The following LIPA variants were observed in gnomAD, a reference collection of about 807,000 sequenced individuals.
LIPA encodes lipase A, lysosomal acid type.
LIPA carries 26 observed loss-of-function variants against 40.6 expected under a neutral mutation model. The observed-to-expected ratio is 0.64, with a 90% CI of 0.47 to 0.89. The LOEUF (loss-of-function observed/expected upper bound fraction) is 0.89, where lower values mean the gene tolerates loss of function less well. LIPA is among the 40% of genes least tolerant of loss of function. The pLI, the probability that LIPA is intolerant of heterozygous loss-of-function variation, is 0.00. For missense variants in LIPA, 455 were observed against 479.6 expected (o/e 0.95, Z 0.48); for synonymous variants, 188 against 168.4 (o/e 1.12, Z -0.90).
At chr10:89,277,248 C>T (rs1269455942) in intron 1 of LIPA, among the ~76,000 whole-genome samples, 1 of 152,210 alleles carries the variant, frequency 6.6e-6, no homozygotes, top group African/African-American at 2.4e-5. Flanking sequence ...AGCGTTACTG[C>T]ATTTCTGCAT....
chr10:89,306,870 G>C (rs1843484129), intron 1 of LIPA: 3 of 1,613,948 alleles, frequency 1.9e-6, no homozygotes, highest in Non-Finnish European at 2.5e-6. Flanking sequence ...AGAGAGAATG[G>C]AATGTATGGG....
chr10:89,394,022 A>G lies in LIPA; in HGVS notation c.61+18769T>C, dbSNP rs528030461. Among the ~76,000 whole-genome samples the G allele has an allele frequency of 1.9e-4, 29 of 152,334 alleles. 2 individuals are homozygous for G. Among genetic ancestry groups the G allele is most frequent in the Middle Eastern group, 3.4e-3 (1 of 294 alleles). On this transcript the variant is annotated intron_variant, in intron 2 of 8. Transcript: ENST00000371837. ...ATTTAATTCTCAAAAGATACTTATA[A>G]GGCAGGTACTTACACAGTCATGCAT... is the stretch of plus-strand genomic sequence containing the variant.
intron 1 of LIPA, among the ~76,000 whole-genome samples, chr10:89,266,522 A>G (rs1313058767): frequency 1.3e-5 from 2 of 152,232 alleles, no homozygotes; most frequent in Non-Finnish European, 2.9e-5. Flanking sequence ...TATGAAACAC[A>G]TATGAATTTC....
intron 1 of LIPA, among the ~76,000 whole-genome samples, chr10:89,291,562 T>C (rs4934465): frequency 0.3 from 45,587 of 151,908 alleles, 7,770 homozygotes; most frequent in Non-Finnish European, 0.39. Context: ...ATTTTTTTTT[T>C]CTTTTAAGCA....
intron 1 of LIPA, among the ~76,000 whole-genome samples, chr10:89,249,324 C>T (rs1193423951): frequency 6.6e-6 from 1 of 152,178 alleles, no homozygotes; most frequent in Admixed American, 6.5e-5. Context: ...AAGTTAAATG[C>T]CTCTCCTAAG....
intron 1 of LIPA, among the ~76,000 whole-genome samples, chr10:89,250,403 G>A (rs1445673192): frequency 1.3e-5 from 2 of 152,064 alleles, no homozygotes; most frequent in Admixed American, 6.5e-5. Context: ...GCGCCCGACC[G>A]TGAACTCTGA....
chr10:89,344,612 G>GAA (rs5786866), upstream of LIPA, among the ~76,000 whole-genome samples: 2 of 134,608 alleles, frequency 1.5e-5, no homozygotes, highest in African/African-American at 2.6e-5. Context: ...CATGCGGCAA[G>GAA]AAAAAAAAAA....
chr10:89,397,614 A>C (rs1458595973), intron 2 of LIPA, among the ~76,000 whole-genome samples: 1 of 152,186 alleles, frequency 6.6e-6, no homozygotes, highest in Non-Finnish European at 1.5e-5. Context: ...GGCCTCAAGC[A>C]AATCTCCTGC....
intron 1 of LIPA, among the ~76,000 whole-genome samples, chr10:89,319,346 T>C (rs1360152900): frequency 6.6e-6 from 1 of 151,700 alleles, no homozygotes; most frequent in African/African-American, 2.4e-5. Context: ...GAGAGAAGAA[T>C]CAAATAGATG....
At chr10:89,402,626 C>G in intron 2 of LIPA, 1 of 1,614,210 alleles carries the variant, frequency 6.2e-7, no homozygotes, top group Admixed American at 1.7e-5. Flanking sequence ...CCCAGACTTA[C>G]CTGGACAAGG....
At chr10:89,325,766 T>C (rs1231592249) in intron 1 of LIPA, among the ~76,000 whole-genome samples, 1 of 152,162 alleles carries the variant, frequency 6.6e-6, no homozygotes, top group Non-Finnish European at 1.5e-5. Context: ...ACTATGCTTA[T>C]GAGTGGGGTG....
At chr10:89,377,871 A>G (rs1222366824) in intron 2 of LIPA, among the ~76,000 whole-genome samples, 1 of 152,242 alleles carries the variant, frequency 6.6e-6, no homozygotes, top group South Asian at 2.1e-4. Flanking sequence ...TTTGCGTATC[A>G]AAACTGCTTC....
intron 8 of LIPA, among the ~76,000 whole-genome samples, 182 bp downstream of exon 8, chr10:89,222,329 G>A (rs768376463): frequency 1.4e-4 from 21 of 152,294 alleles, no homozygotes; most frequent in Admixed American, 7.8e-4. Flanking sequence ...GTATAACACA[G>A]TGTGCCCCAC....
chr10:89,383,792 C>A, intron 2 of LIPA: 1 of 1,614,150 alleles, frequency 6.2e-7, no homozygotes, highest in Non-Finnish European at 8.5e-7. Flanking sequence ...TATGAACGGG[C>A]CAAGACCTGC....
chr10:89,397,882 A>T (rs1844367916), intron 2 of LIPA, among the ~76,000 whole-genome samples: 1 of 152,238 alleles, frequency 6.6e-6, no homozygotes, highest in Non-Finnish European at 1.5e-5. Flanking sequence ...TTTGCCATAA[A>T]TAAATCACAA....
upstream of LIPA, among the ~76,000 whole-genome samples, chr10:89,254,773 T>C (rs1381275419): frequency 6.6e-6 from 1 of 152,232 alleles, no homozygotes; most frequent in Non-Finnish European, 1.5e-5. Flanking sequence ...CATTTCAATG[T>C]TTTACTGCTT....
At chr10:89,363,750 C>T (rs1463367773) in intron 2 of LIPA, among the ~76,000 whole-genome samples, 1 of 121,448 alleles carries the variant, frequency 8.2e-6, no homozygotes, top group East Asian at 3.0e-4. Flanking sequence ...GTACTCCAGC[C>T]TGGGCAACAG....
rs1355767219 is a variant in LIPA, at chr10:89,261,975, A to T, written c.-1-14326T>A. On this transcript the variant is annotated intron_variant, in intron 1 of 5. Transcript: ENST00000282673. ...CCCTCTTTTACTTCAGGCCTGCTTA[A>T]GATGAAGTCCAGCCATGGGAAGGGG... Among the ~76,000 whole-genome samples, 4 of 152,202 alleles carry T rather than the reference A, an allele frequency of 2.6e-5. No homozygotes were observed. The East Asian group carries it at 7.7e-4, about 29-fold the overall frequency.
intron 8 of LIPA, among the ~76,000 whole-genome samples, chr10:89,221,501 T>C (rs1842697824): frequency 6.6e-6 from 1 of 152,208 alleles, no homozygotes; most frequent in Admixed American, 6.5e-5. Context: ...TTTAATGCAA[T>C]GATTTATTAA....
Sources: allele counts gnomAD v4.1 joint callset (sites outside exome capture counted in the v4.1 genomes callset), GRCh38; gene constraint gnomAD v4.1.1; transcripts MANE v1.5; gene names NCBI Gene and HGNC (gene_info 2026-07-23, HGNC 2026-07-21).